Variants in SLC22A3 observed in about 807,000 individuals in gnomAD.
The protein encoded by SLC22A3 is solute carrier family 22 member 3, also known as EMT organic cation transporter 3.
In SLC22A3, 51 loss-of-function variants were observed where a neutral mutation model predicts 59.1. That is an observed-to-expected ratio of 0.86 (90% confidence interval 0.69 to 1.09). The LOEUF (loss-of-function observed/expected upper bound fraction) is 1.09, where lower values mean the gene tolerates loss of function less well. SLC22A3 is among the 50% of genes least tolerant of loss of function. SLC22A3 has a pLI of 0.00. For missense variants in SLC22A3, 711 were observed against 726.3 expected (o/e 0.98, Z 0.24); for synonymous variants, 325 against 292.0 (o/e 1.11, Z -1.15).
chr6:160,443,300 A>G (rs1788618774), intron 8 of SLC22A3, among the ~76,000 whole-genome samples: 1 of 152,116 alleles, frequency 6.6e-6, no homozygotes, highest in South Asian at 2.1e-4. Context: ...GTGCAAATCA[A>G]CCTCCTCTGC....
chr6:160,408,533 A>C (rs2114854845), intron 3 of SLC22A3, among the ~76,000 whole-genome samples: 1 of 152,324 alleles, frequency 6.6e-6, no homozygotes, highest in Non-Finnish European at 1.5e-5. Flanking sequence ...GAACATGGCA[A>C]GTGCCTGTGA....
At chr6:160,398,153 T>C (rs879833984) in intron 2 of SLC22A3, 71 bp downstream of exon 2, 6 of 1,116,372 alleles carry the variant, frequency 5.4e-6, no homozygotes, top group Non-Finnish European at 8.2e-6. Flanking sequence ...AAAAATGTTT[T>C]ATGTTAACTA....
chr6:160,357,136 A>G (rs964865984), intron 1 of SLC22A3, among the ~76,000 whole-genome samples: 4 of 152,214 alleles, frequency 2.6e-5, no homozygotes, highest in Non-Finnish European at 5.9e-5. Context: ...GGATGGAGGA[A>G]GGGTAGGCAC....
At chr6:160,447,973 G>T (rs546363833) in intron 10 of SLC22A3, among the ~76,000 whole-genome samples, 155 bp downstream of exon 10, 6 of 151,734 alleles carry the variant, frequency 4.0e-5, no homozygotes, top group Admixed American at 2.0e-4. Flanking sequence ...AGATACAAAA[G>T]GTTAACATAA....
intron 1 of SLC22A3, among the ~76,000 whole-genome samples, chr6:160,352,930 C>T (rs556352822): frequency 9.2e-5 from 14 of 152,334 alleles, no homozygotes; most frequent in Admixed American, 8.5e-4. Flanking sequence ...AAGCAATTCT[C>T]CTCCCTCAGC....
chr6:160,348,581 A>C lies in SLC22A3; in HGVS notation c.162A>C (p.Pro54=). Residue 54 remains proline (P), a synonymous_variant, in exon 1 of 11, where the codon CCA becomes CCC. Coordinates refer to ENST00000275300, the MANE Select transcript of SLC22A3 (RefSeq NM_021977.4). ...CCGACCACTACTGGTGCCGCGGGCC[A>C]AGTGCCGCGGCGCTGGCCGAGCGCT... The part of the protein sequence containing the change: ...TQPDHYWCRG[P]SAAALAERCG... 5.9e-6 allele frequency: 9 copies of C among 1,530,068 alleles called. No homozygotes were observed. Among genetic ancestry groups the C allele is most frequent in the Non-Finnish European group, 7.8e-6 (9 of 1,148,110 alleles). 94.8% of individuals were successfully genotyped at this position (1,530,068 alleles called of 1,614,324 possible).
intron 1 of SLC22A3, among the ~76,000 whole-genome samples, chr6:160,396,063 C>A (rs879264886): frequency 1.3e-5 from 2 of 152,176 alleles, no homozygotes; most frequent in Non-Finnish European, 2.9e-5. Context: ...GATCCTCAAC[C>A]TACATTCGTA....
chr6:160,367,112 A>C lies in SLC22A3; in HGVS notation c.429+18264A>C, dbSNP rs1562470714. 3.3e-5 allele frequency among the ~76,000 whole-genome samples: 5 copies of C among 152,178 alleles called. No homozygotes were observed. In the South Asian group the frequency reaches 1.0e-3, roughly 32 times the overall value. On this transcript the variant is annotated intron_variant, in intron 1 of 10. Coordinates refer to ENST00000275300, the MANE Select transcript of SLC22A3 (RefSeq NM_021977.4). ...TTCTTATGCTGCTAATAAAGATATAACCAATACTGGGTAATATATAAAGGA... is the reference window on the plus strand; with the variant it reads ...TTCTTATGCTGCTAATAAAGATATACCCAATACTGGGTAATATATAAAGGA...
At chr6:160,387,606 C>T (rs1786074452) in intron 1 of SLC22A3, among the ~76,000 whole-genome samples, 1 of 152,146 alleles carries the variant, frequency 6.6e-6, no homozygotes, top group African/African-American at 2.4e-5. Flanking sequence ...GGTCTCCACT[C>T]ATGTTTTTGG....
chr6:160,363,933 G>A (rs556262542), intron 1 of SLC22A3, among the ~76,000 whole-genome samples: 4 of 151,876 alleles, frequency 2.6e-5, no homozygotes, highest in East Asian at 2.0e-4. Flanking sequence ...GGGGTTTCCT[G>A]GGATACGAAC....
At chr6:160,359,316 A>T (rs1254856492) in intron 1 of SLC22A3, among the ~76,000 whole-genome samples, 2 of 152,212 alleles carry the variant, frequency 1.3e-5, no homozygotes, top group African/African-American at 4.8e-5. Context: ...AAAGTGCTTT[A>T]TATATTGAGC....
intron 7 of SLC22A3, among the ~76,000 whole-genome samples, chr6:160,442,091 A>C (rs7740810): frequency 0.087 from 13,199 of 152,288 alleles, 1,886 homozygotes; most frequent in African/African-American, 0.3. Flanking sequence ...GTCCTAAAAC[A>C]GTTCATTTTA....
intron 5 of SLC22A3, among the ~76,000 whole-genome samples, chr6:160,418,231 G>A (rs986786448): frequency 1.4e-4 from 21 of 152,184 alleles, no homozygotes; most frequent in Non-Finnish European, 2.4e-4. Flanking sequence ...AGGTGGGATA[G>A]GATGTCTTGC....
At chr6:160,403,616 T>G (rs1583481789) in intron 2 of SLC22A3, among the ~76,000 whole-genome samples, 1 of 151,924 alleles carries the variant, frequency 6.6e-6, no homozygotes, top group East Asian at 1.9e-4. Context: ...ACTAATATAT[T>G]TCATGAACAT....
At chr6:160,436,975 G>A in intron 6 of SLC22A3, 22 bp from the exon 7 acceptor site, 1 of 1,613,694 alleles carries the variant, frequency 6.2e-7, no homozygotes, top group Non-Finnish European at 8.5e-7. Flanking sequence ...TTGTTCTCTG[G>A]TGTCTTTCAA....
intron 9 of SLC22A3, among the ~76,000 whole-genome samples, chr6:160,444,613 G>C (rs7769879): frequency 0.28 from 43,185 of 151,932 alleles, 7,667 homozygotes; most frequent in East Asian, 0.46. Flanking sequence ...GGGGAATTCA[G>C]TGTCCCACTT....
intron 5 of SLC22A3, among the ~76,000 whole-genome samples, chr6:160,424,015 G>T (rs1467819296): frequency 1.3e-5 from 2 of 152,154 alleles, no homozygotes; most frequent in Non-Finnish European, 2.9e-5. Context: ...GTAAGGAAGG[G>T]ATCCAGTTTC....
intron 1 of SLC22A3, among the ~76,000 whole-genome samples, chr6:160,359,851 AT>A (rs36026087): frequency 0.093 from 14,118 of 152,276 alleles, 967 homozygotes; most frequent in Non-Finnish European, 0.15. Flanking sequence ...ATATGTGAAG[AT>A]TTTCTGTAAA....
chr6:160,446,912 C>G (rs1321877501), intron 9 of SLC22A3, among the ~76,000 whole-genome samples: 1 of 152,170 alleles, frequency 6.6e-6, no homozygotes, highest in African/African-American at 2.4e-5. Flanking sequence ...TCCCAGTGGC[C>G]CAGGCAGGGA....
Sources: allele counts gnomAD v4.1 joint callset (sites outside exome capture counted in the v4.1 genomes callset), GRCh38; gene constraint gnomAD v4.1.1; transcripts MANE v1.5; gene names NCBI Gene and HGNC (gene_info 2026-07-23, HGNC 2026-07-21).